Variants in PTPRM observed in about 807,000 individuals in gnomAD.
PTPRM encodes protein tyrosine phosphatase receptor type M, also known as receptor-type tyrosine-protein phosphatase mu.
In PTPRM, 47 loss-of-function variants were observed where a neutral mutation model predicts 186.7. That is an observed-to-expected ratio of 0.25 (90% CI 0.20 to 0.32). PTPRM has a LOEUF of 0.32. PTPRM is among the 10% of genes least tolerant of loss of function. PTPRM has a pLI of 1.00. For synonymous variants in PTPRM, 668 were observed against 674.9 expected (o/e 0.99, Z 0.16); for missense variants, 1,494 against 1,865.0 (o/e 0.80, Z 3.66).
At chr18:8,159,468 A>C (rs1403756856) in intron 14 of PTPRM, among the ~76,000 whole-genome samples, 1 of 145,634 alleles carries the variant, frequency 6.9e-6, no homozygotes. Context: ...CTTTGTAAAA[A>C]CAAAACAAAA....
intron 2 of PTPRM, among the ~76,000 whole-genome samples, chr18:7,788,767 C>T (rs9963051): frequency 0.15 from 22,345 of 152,162 alleles, 3,950 homozygotes; most frequent in African/African-American, 0.43. Flanking sequence ...AGAAATGAGT[C>T]CTAACAGAAT....
chr18:8,110,518 T>C (rs1452385847), intron 11 of PTPRM, among the ~76,000 whole-genome samples: 3 of 152,142 alleles, frequency 2.0e-5, no homozygotes, highest in African/African-American at 7.2e-5. Flanking sequence ...ATGGAAAGTC[T>C]AGGAGCAGCT....
chr18:8,031,926 C>T (rs1224420163), intron 7 of PTPRM, among the ~76,000 whole-genome samples: 1 of 152,052 alleles, frequency 6.6e-6, no homozygotes, highest in Non-Finnish European at 1.5e-5. Context: ...AAACACTTGC[C>T]AAATACAGTG....
intron 19 of PTPRM, among the ~76,000 whole-genome samples, chr18:8,283,001 G>A (rs1234406509): frequency 6.6e-6 from 1 of 152,178 alleles, no homozygotes; most frequent in Non-Finnish European, 1.5e-5. Context: ...TCCATTTGTA[G>A]AATCTTCTTG....
At chr18:8,267,928 C>T (rs367971859) in intron 19 of PTPRM, among the ~76,000 whole-genome samples, 24 of 152,106 alleles carry the variant, frequency 1.6e-4, no homozygotes, top group Non-Finnish European at 3.1e-4. Context: ...GTGAATTGTT[C>T]GTATCCTTTG....
At chr18:7,838,400 C>G (rs2046160147) in intron 2 of PTPRM, among the ~76,000 whole-genome samples, 1 of 152,192 alleles carries the variant, frequency 6.6e-6, no homozygotes, top group Non-Finnish European at 1.5e-5. Context: ...GGTGAGGACA[C>G]AGCCAAATGA....
At chr18:7,610,014 G>A (rs1417550901) in intron 1 of PTPRM, among the ~76,000 whole-genome samples, 1 of 152,176 alleles carries the variant, frequency 6.6e-6, no homozygotes, top group Non-Finnish European at 1.5e-5. Flanking sequence ...TCATGACAGT[G>A]ATAATTATAT....
intron 20 of PTPRM, among the ~76,000 whole-genome samples, chr18:8,305,294 G>A (rs1371972283): frequency 1.3e-5 from 2 of 152,198 alleles, no homozygotes; most frequent in African/African-American, 4.8e-5. Context: ...ATTCACTAGT[G>A]AGGGAAGCAA....
chr18:7,710,224 A>G (rs978380518), intron 1 of PTPRM, among the ~76,000 whole-genome samples: 1 of 152,230 alleles, frequency 6.6e-6, no homozygotes, highest in East Asian at 1.9e-4. Flanking sequence ...CATACCAGGG[A>G]TGCAGGGATG....
intron 13 of PTPRM, among the ~76,000 whole-genome samples, chr18:8,133,580 G>C (rs1238100975): frequency 1.3e-5 from 2 of 152,178 alleles, no homozygotes; most frequent in Admixed American, 6.5e-5. Flanking sequence ...GTTGGAATGT[G>C]TGGCCTTTGA....
chr18:8,281,232 T>G (rs778787533), intron 19 of PTPRM, among the ~76,000 whole-genome samples: 8 of 152,208 alleles, frequency 5.3e-5, no homozygotes, highest in Non-Finnish European at 1.2e-4. Context: ...CATGTTTTAG[T>G]GTCTCTTGCT....
chr18:7,794,506 T>C (rs1203711103), intron 2 of PTPRM, among the ~76,000 whole-genome samples: 1 of 152,076 alleles, frequency 6.6e-6, no homozygotes, highest in African/African-American at 2.4e-5. Context: ...GGTGTGAGGG[T>C]GAGGACAAGA....
intron 2 of PTPRM, among the ~76,000 whole-genome samples, chr18:7,801,274 C>A (rs1450588513): frequency 1.3e-5 from 2 of 152,084 alleles, no homozygotes; most frequent in African/African-American, 2.4e-5. Flanking sequence ...ATTCTATAAG[C>A]CTTTTTCAAT....
chr18:8,056,743 T>G (rs2087979111), intron 7 of PTPRM, among the ~76,000 whole-genome samples: 1 of 114,586 alleles, frequency 8.7e-6, no homozygotes, highest in East Asian at 2.1e-4. Context: ...AAATGCAGCC[T>G]TTTTTAGCAA....
intron 7 of PTPRM, among the ~76,000 whole-genome samples, chr18:8,067,227 G>A (rs1410655516): frequency 1.3e-5 from 2 of 152,120 alleles, no homozygotes; most frequent in African/African-American, 2.4e-5. Flanking sequence ...AGGGCAAAGG[G>A]ACACATGTTG....
intron 5 of PTPRM, among the ~76,000 whole-genome samples, chr18:7,947,651 T>C (rs562489007): frequency 6.6e-6 from 1 of 152,292 alleles, no homozygotes; most frequent in South Asian, 2.1e-4. Flanking sequence ...GAGCTTCCTG[T>C]AGCGTTTCCT....
intron 1 of PTPRM, among the ~76,000 whole-genome samples, chr18:7,689,624 A>G (rs949687562): frequency 2.6e-5 from 4 of 152,196 alleles, no homozygotes; most frequent in African/African-American, 9.6e-5. Flanking sequence ...CTGTTCTTCC[A>G]TGAGGTAATT....
At chr18:8,275,503 G>A (rs981435297) in intron 19 of PTPRM, among the ~76,000 whole-genome samples, 1 of 152,154 alleles carries the variant, frequency 6.6e-6, no homozygotes, top group African/African-American at 2.4e-5. Context: ...GAGCTTTATA[G>A]GTAGGTAAAG....
intron 1 of PTPRM, among the ~76,000 whole-genome samples, chr18:7,730,270 A>C (rs2040631340): frequency 6.6e-6 from 1 of 152,154 alleles, no homozygotes; most frequent in Non-Finnish European, 1.5e-5. Flanking sequence ...TACGTACTGG[A>C]TGCTTATTTA....
Sources: gnomAD v4.1 joint callset for allele counts (sites outside exome capture counted in the v4.1 genomes callset) on GRCh38, gnomAD v4.1.1 for gene constraint, MANE v1.5 for transcripts, NCBI Gene and HGNC (gene_info 2026-07-23, HGNC 2026-07-21) for gene names.